Variants in SUCLG2 observed in about 807,000 individuals in gnomAD.
SUCLG2 encodes the protein succinate--CoA ligase [GDP-forming] subunit beta, mitochondrial.
Under a neutral mutation model 47.9 loss-of-function variants are expected in SUCLG2, and 42 were observed. The ratio of observed to expected loss-of-function variants is 0.88; its 90% CI spans 0.69 to 1.14. SUCLG2 has a LOEUF of 1.14. Ranked by LOEUF, SUCLG2 falls within the 50% of genes most tolerant of loss-of-function variation. The probability of loss-of-function intolerance (pLI) is 0.00; values close to 1 mark genes in which losing one functional copy is unlikely to be tolerated. For missense variants in SUCLG2, 571 were observed against 525.9 expected (o/e 1.09, Z -0.84); for synonymous variants, 195 against 197.3 (o/e 0.99, Z 0.10).
chr3:67,364,017 AC>A (rs1189336879), intron 10 of SUCLG2, among the ~76,000 whole-genome samples: 1 of 152,182 alleles, frequency 6.6e-6, no homozygotes, highest in East Asian at 1.9e-4. Flanking sequence ...AGACAAGGAA[AC>A]CACCAACAAA....
chr3:67,537,490 T>C (rs548024237), intron 2 of SUCLG2, among the ~76,000 whole-genome samples: 1 of 152,360 alleles, frequency 6.6e-6, no homozygotes, highest in South Asian at 2.1e-4. Context: ...TTGGGTTGGT[T>C]CCAAGTCTTT....
chr3:67,367,335 A>G (rs989675226), intron 10 of SUCLG2, among the ~76,000 whole-genome samples: 2 of 152,226 alleles, frequency 1.3e-5, no homozygotes, highest in Non-Finnish European at 2.9e-5. Flanking sequence ...TATAACTTAC[A>G]TAAGTTTTCA....
downstream of SUCLG2, chr3:67,374,661 TA>T (rs879257803): frequency 0.064 from 34,475 of 540,428 alleles, no homozygotes; most frequent in Non-Finnish European, 0.073. Flanking sequence ...AGTGTCTTTG[TA>T]AAAAAAAAAA....
chr3:67,374,444 C>T (rs1701995071), downstream of SUCLG2, among the ~76,000 whole-genome samples: 1 of 152,172 alleles, frequency 6.6e-6, no homozygotes, highest in Non-Finnish European at 1.5e-5. Context: ...TGGAGTATCT[C>T]CCTTTGCGTT....
intron 9 of SUCLG2, among the ~76,000 whole-genome samples, chr3:67,410,723 T>C (rs1382495837): frequency 6.6e-6 from 1 of 152,092 alleles, no homozygotes; most frequent in Non-Finnish European, 1.5e-5. Context: ...TCATACTATT[T>C]CATAAAGGGG....
At chr3:67,543,069 G>A (rs1706760596) in intron 2 of SUCLG2, among the ~76,000 whole-genome samples, 1 of 152,150 alleles carries the variant, frequency 6.6e-6, no homozygotes, top group Non-Finnish European at 1.5e-5. Flanking sequence ...ATAATTGGAA[G>A]TAAAACATTC....
At chr3:67,592,471 G>C (rs746439661) in intron 2 of SUCLG2, among the ~76,000 whole-genome samples, 22 of 152,232 alleles carry the variant, frequency 1.4e-4, no homozygotes, top group Admixed American at 3.9e-4. Flanking sequence ...CAATGTCCCT[G>C]AATTGCTATT....
chr3:67,585,869 A>G (rs377425307), intron 2 of SUCLG2, among the ~76,000 whole-genome samples: 5 of 148,566 alleles, frequency 3.4e-5, no homozygotes, highest in African/African-American at 1.2e-4. Flanking sequence ...TGGGAGGCTG[A>G]GGCAGGAGAA....
chr3:67,391,540 C>A (rs1024576385), intron 10 of SUCLG2, among the ~76,000 whole-genome samples: 2 of 152,120 alleles, frequency 1.3e-5, no homozygotes, highest in Non-Finnish European at 2.9e-5. Context: ...TTCAGTTATG[C>A]TAGGTTCTAA....
chr3:67,539,792 G>A (rs1706649607), intron 2 of SUCLG2, among the ~76,000 whole-genome samples: 1 of 152,142 alleles, frequency 6.6e-6, no homozygotes, highest in South Asian at 2.1e-4. Flanking sequence ...TCATGGGAAG[G>A]TGTATGTGAC....
intron 7 of SUCLG2, among the ~76,000 whole-genome samples, chr3:67,508,202 A>C (rs1705690430): frequency 6.6e-6 from 1 of 152,146 alleles, no homozygotes; most frequent in African/African-American, 2.4e-5. Flanking sequence ...GGGCTTTACC[A>C]AGGTGATATA....
chr3:67,507,128 A>T (rs1325498410), intron 7 of SUCLG2, among the ~76,000 whole-genome samples: 3 of 152,212 alleles, frequency 2.0e-5, no homozygotes, highest in Non-Finnish European at 2.9e-5. Flanking sequence ...TCTGGCATAT[A>T]AGCTCAAGAA....
intron 1 of SUCLG2, among the ~76,000 whole-genome samples, chr3:67,613,454 A>G (rs997299786): frequency 1.3e-5 from 2 of 152,206 alleles, no homozygotes; most frequent in Admixed American, 6.5e-5. Flanking sequence ...TTGTGAGTAC[A>G]TATGTTGTGT....
intron 9 of SUCLG2, among the ~76,000 whole-genome samples, chr3:67,485,586 A>C (rs1437017411): frequency 6.6e-6 from 1 of 152,230 alleles, no homozygotes; most frequent in Non-Finnish European, 1.5e-5. Context: ...ATGACACATA[A>C]TGCTGGAAGA....
intron 10 of SUCLG2, among the ~76,000 whole-genome samples, chr3:67,380,389 G>A (rs1465588312): frequency 4.6e-5 from 7 of 152,154 alleles, no homozygotes; most frequent in East Asian, 1.9e-4. Context: ...GAAAGGGGAC[G>A]GAGCAGTTTC....
At position 67,453,517 on chromosome 3, in the gene SUCLG2, A is replaced by C. The variant is rs184085983; in HGVS notation, c.1062+42281T>G. Among the ~76,000 whole-genome samples, 481 of 152,288 alleles carry C rather than the reference A, an allele frequency of 3.2e-3. 2 individuals are homozygous for C. The highest frequency in any genetic ancestry group is 0.011 in the African/African-American group (458 of 41,554). Reference sequence around the variant, plus strand: ...GAGAGCCCACCCTCATGAGCTAATCAACTGCTAAAGGCCCCACTTCCTAAT... The same window carrying C: ...GAGAGCCCACCCTCATGAGCTAATCCACTGCTAAAGGCCCCACTTCCTAAT... On this transcript the variant is annotated intron_variant, in intron 9 of 10. Transcript: ENST00000307227.
At chr3:67,528,257 T>C (rs753136402) in intron 3 of SUCLG2, 35 bp from the exon 4 acceptor site, 7 of 1,591,106 alleles carry the variant, frequency 4.4e-6, no homozygotes, top group Non-Finnish European at 6.0e-6. Flanking sequence ...AAAATGAATG[T>C]TTGTTGAAAA....
intron 4 of SUCLG2, among the ~76,000 whole-genome samples, chr3:67,520,919 T>C (rs1020546760): frequency 1.3e-5 from 2 of 152,206 alleles, no homozygotes; most frequent in African/African-American, 2.4e-5. Flanking sequence ...CAAGAAACTG[T>C]GTCACTTAAG....
intron 9 of SUCLG2, among the ~76,000 whole-genome samples, chr3:67,489,720 T>C (rs944965257): frequency 1.3e-5 from 2 of 152,166 alleles, no homozygotes; most frequent in African/African-American, 4.8e-5. Flanking sequence ...ACATGTGGTG[T>C]GTAATGAAAT....
Sources: allele counts gnomAD v4.1 joint callset (sites outside exome capture counted in the v4.1 genomes callset), GRCh38; gene constraint gnomAD v4.1.1; transcripts MANE v1.5; gene names NCBI Gene and HGNC (gene_info 2026-07-23, HGNC 2026-07-21).